Variants in KCNQ5 observed in about 807,000 individuals in gnomAD.
The protein encoded by KCNQ5 is potassium voltage-gated channel subfamily KQT member 5.
Under a neutral mutation model 98.2 loss-of-function variants are expected in KCNQ5, and 30 were observed. That is an observed-to-expected ratio of 0.31 (90% CI 0.23 to 0.41). KCNQ5 has a LOEUF of 0.41. Among genes scored for constraint, KCNQ5 ranks in the 10% least tolerant of loss-of-function variants. The probability of loss-of-function intolerance (pLI) is 1.00; values close to 1 mark genes in which losing one functional copy is unlikely to be tolerated. For synonymous variants in KCNQ5, 458 were observed against 449.4 expected (o/e 1.02, Z -0.24); for missense variants, 835 against 1,182.5 (o/e 0.71, Z 4.31).
intron 10 of KCNQ5, among the ~76,000 whole-genome samples, chr6:73,151,297 T>C (rs1418354923): frequency 1.3e-5 from 2 of 152,316 alleles, no homozygotes; most frequent in East Asian, 1.9e-4. Flanking sequence ...CCTCTTGATA[T>C]TTACATATCT....
At chr6:72,990,658 C>A (rs1769051152) in intron 1 of KCNQ5, among the ~76,000 whole-genome samples, 1 of 129,616 alleles carries the variant, frequency 7.7e-6, no homozygotes, top group Non-Finnish European at 1.6e-5. Flanking sequence ...TTTCCTTCTT[C>A]TGCCTGATTG....
At chr6:72,927,216 A>G (rs1297621137) in intron 1 of KCNQ5, among the ~76,000 whole-genome samples, 2 of 152,186 alleles carry the variant, frequency 1.3e-5, no homozygotes, top group Non-Finnish European at 2.9e-5. Flanking sequence ...TGGAAATGCT[A>G]AAAGTTTTAC....
chr6:72,796,425 C>CT (rs1375773334), intron 1 of KCNQ5, among the ~76,000 whole-genome samples: 3 of 152,110 alleles, frequency 2.0e-5, no homozygotes, highest in Non-Finnish European at 4.4e-5. Context: ...TAAAGGAGCT[C>CT]TTTTTTGCCT....
chr6:73,103,380 C>T (rs1774867810), intron 5 of KCNQ5, among the ~76,000 whole-genome samples: 1 of 151,936 alleles, frequency 6.6e-6, no homozygotes, highest in South Asian at 2.1e-4. Flanking sequence ...CAAACTATCG[C>T]AAGGACAGAA....
intron 2 of KCNQ5, among the ~76,000 whole-genome samples, chr6:73,023,598 C>T (rs1391138590): frequency 1.3e-5 from 2 of 152,194 alleles, no homozygotes; most frequent in Admixed American, 1.3e-4. Context: ...TCATTTAAAG[C>T]AGTGCTTCTG....
intron 11 of KCNQ5, among the ~76,000 whole-genome samples, chr6:73,176,178 A>G (rs1187481569): frequency 6.6e-6 from 1 of 152,226 alleles, no homozygotes; most frequent in Non-Finnish European, 1.5e-5. Context: ...ATCTCATGTC[A>G]AACTGTAATC....
intron 1 of KCNQ5, among the ~76,000 whole-genome samples, chr6:72,719,870 C>T (rs765302405): frequency 1.3e-5 from 2 of 152,214 alleles, no homozygotes; most frequent in Non-Finnish European, 2.9e-5. Flanking sequence ...CTTGGGGCCT[C>T]CTGTCTTGAG....
At chr6:72,864,892 C>A (rs1326084122) in intron 1 of KCNQ5, among the ~76,000 whole-genome samples, 3 of 152,132 alleles carry the variant, frequency 2.0e-5, no homozygotes, top group Non-Finnish European at 4.4e-5. Context: ...GAAAAACTGA[C>A]ATGTATTTCA....
intron 1 of KCNQ5, among the ~76,000 whole-genome samples, chr6:72,813,413 G>T (rs4235871): frequency 0.65 from 99,093 of 152,038 alleles, 33,471 homozygotes; most frequent in African/African-American, 0.85. Context: ...TTCGTAAGAG[G>T]AATTTGAGTT....
intron 1 of KCNQ5, among the ~76,000 whole-genome samples, chr6:72,696,006 G>A (rs1021611023): frequency 3.9e-5 from 6 of 152,172 alleles, no homozygotes; most frequent in Non-Finnish European, 8.8e-5. Context: ...ATTTTAACAT[G>A]AGAAGAGAAT....
At chr6:73,036,380 T>C (rs1480970161) in intron 2 of KCNQ5, among the ~76,000 whole-genome samples, 12 of 83,740 alleles carry the variant, frequency 1.4e-4, no homozygotes, top group Non-Finnish European at 2.2e-4. Flanking sequence ...CGCGAGACTC[T>C]GTCTCAAAAA....
chr6:72,744,766 G>A (rs1426537966), intron 1 of KCNQ5, among the ~76,000 whole-genome samples: 1 of 151,600 alleles, frequency 6.6e-6, no homozygotes, highest in East Asian at 1.9e-4. Flanking sequence ...AGCCAAGATC[G>A]TTCCACTGCA....
At chr6:72,984,486 C>T (rs1768645836) in intron 1 of KCNQ5, among the ~76,000 whole-genome samples, 1 of 152,206 alleles carries the variant, frequency 6.6e-6, no homozygotes, top group Non-Finnish European at 1.5e-5. Context: ...TAGCAGTGAG[C>T]AAGGCTCCAT....
At chr6:72,998,752 T>G (rs1288255143) in intron 1 of KCNQ5, among the ~76,000 whole-genome samples, 1 of 151,710 alleles carries the variant, frequency 6.6e-6, no homozygotes, top group Non-Finnish European at 1.5e-5. Context: ...AAAAAAAAAT[T>G]TAAGATCTCC....
At chr6:73,021,705 G>A (rs1023679915) in intron 2 of KCNQ5, among the ~76,000 whole-genome samples, 1 of 152,134 alleles carries the variant, frequency 6.6e-6, no homozygotes, top group African/African-American at 2.4e-5. Flanking sequence ...TAATAAATTA[G>A]TATATAGGTT....
chr6:72,827,632 C>T (rs1324072030), intron 1 of KCNQ5, among the ~76,000 whole-genome samples: 2 of 151,784 alleles, frequency 1.3e-5, no homozygotes, highest in African/African-American at 2.4e-5. Flanking sequence ...GATATTAATC[C>T]CCTATTGAAT....
chr6:73,130,210 A>C (rs1449842935), intron 9 of KCNQ5, among the ~76,000 whole-genome samples: 5 of 152,224 alleles, frequency 3.3e-5, no homozygotes, highest in African/African-American at 1.2e-4. Context: ...AAGGGCTAAA[A>C]CCCTAATTAA....
chr6:73,174,273 G>C (rs1778127400), intron 11 of KCNQ5, among the ~76,000 whole-genome samples: 6 of 152,050 alleles, frequency 3.9e-5, no homozygotes, highest in Admixed American at 3.9e-4. Flanking sequence ...TTGTTTTCCT[G>C]TCCGTTTGTT....
At chr6:73,020,330 C>G (rs530640133) in intron 2 of KCNQ5, among the ~76,000 whole-genome samples, 40 of 152,228 alleles carry the variant, frequency 2.6e-4, no homozygotes, top group Admixed American at 5.9e-4. Context: ...GAATGGCTCA[C>G]AGAACTCAGG....
Sources: gnomAD v4.1 joint callset for allele counts (sites outside exome capture counted in the v4.1 genomes callset) on GRCh38, gnomAD v4.1.1 for gene constraint, MANE v1.5 for transcripts, NCBI Gene and HGNC (gene_info 2026-07-23, HGNC 2026-07-21) for gene names.